Variants in CCDC127 observed in about 807,000 individuals in gnomAD.
CCDC127 encodes the protein coiled-coil domain-containing protein 127.
Under a neutral mutation model 4.1 loss-of-function variants are expected in CCDC127, and 2 were observed. The ratio of observed to expected loss-of-function variants is 0.49; its 90% CI spans 0.20 to 1.53. The LOEUF (loss-of-function observed/expected upper bound fraction) is 1.53. Among genes scored for constraint, CCDC127 ranks in the 40% most tolerant of loss-of-function variants. The probability of loss-of-function intolerance (pLI) is 0.23; values close to 1 mark genes in which losing one functional copy is unlikely to be tolerated. For missense variants in CCDC127, 271 were observed against 322.9 expected (o/e 0.84, Z 1.23); for synonymous variants, 98 against 120.4 (o/e 0.81, Z 1.22).
chr5:208,942 A>G (rs1276163373), intron 2 of CCDC127, among the ~76,000 whole-genome samples: 1 of 152,186 alleles, frequency 6.6e-6, no homozygotes, highest in Non-Finnish European at 1.5e-5. Flanking sequence ...GAGAGATGGC[A>G]GTATCATCTG....
intron 2 of CCDC127, chr5:213,980 C>A (rs1171562595): frequency 1.3e-5 from 2 of 152,236 alleles, no homozygotes; most frequent in Non-Finnish European, 2.9e-5. Flanking sequence ...TGTGGTACGT[C>A]CATGTCATAA....
chr5:197,317 C>T lies in CCDC127; in HGVS notation c.*7980G>A, dbSNP rs1032105923. ...CTCTCTCTCAACTGCAAGAGGCTTT[C>T]GTCTTTTACTAACCCATGTCAGCAC... On this transcript the variant is annotated 3_prime_UTR_variant, in exon 3 of 3. Coordinates refer to ENST00000296824, the MANE Select transcript of CCDC127 (RefSeq NM_145265.3). 61 of 152,318 alleles carry T rather than the reference C, an allele frequency of 4.0e-4. No homozygotes were observed. The highest frequency in any genetic ancestry group is 1.4e-3 in the African/African-American group (58 of 41,562). The allele number at this position is 152,318 out of a possible 1,614,324, so 9.4% of individuals were successfully genotyped here. A position where few individuals can be genotyped will look rare whatever the true frequency, so the allele number is the denominator to read the frequency against.
At chr5:209,918 A>G (rs1734246696) in intron 2 of CCDC127, among the ~76,000 whole-genome samples, 1 of 152,202 alleles carries the variant, frequency 6.6e-6, no homozygotes, top group South Asian at 2.1e-4. Context: ...ACACCTATTC[A>G]TGAAAAACAG....
chr5:205,825 G>C lies in CCDC127; in HGVS notation c.255C>G (p.Val85=), dbSNP rs199989454. Residue 85 remains valine (V), a synonymous_variant, in exon 3 of 3, where the codon GTC becomes GTG. Coordinates refer to ENST00000296824, the MANE Select transcript of CCDC127 (RefSeq NM_145265.3). The stretch of plus-strand genomic sequence containing the variant: ...TTTCGAGTTCCAAGGACAACTGAGC[G>C]ACAGCACGCCGATTTTCTGAGATCA... ...HAMISENRRA[V]AQLSLELEKE... The C allele has an allele frequency of 1.2e-6, 2 of 1,614,150 alleles. No individual in the cohort carries two copies. The highest frequency in any genetic ancestry group is 8.5e-7 in the Non-Finnish European group (1 of 1,180,044).
chr5:213,798 A>C (rs1734324884), intron 2 of CCDC127: 1 of 152,374 alleles, frequency 6.6e-6, no homozygotes, highest in African/African-American at 2.4e-5. Flanking sequence ...CTTCTTAAAA[A>C]ACTAAACGTG....
Position 218,139 on chromosome 5 carries a change from C to A in CCDC127, c.-57G>T. On this transcript the variant is annotated 5_prime_UTR_variant, in exon 1 of 3. Coordinates refer to ENST00000296824, the MANE Select transcript of CCDC127 (RefSeq NM_145265.3). The stretch of plus-strand genomic sequence containing the variant: ...CTCAGCGTTCCCTTAACGCCACCGT[C>A]CGCGGGTCCGCTTTGCGCAGGCGCG... 1 of 1,237,700 alleles carries A rather than the reference C, an allele frequency of 8.1e-7. No individual in the cohort carries two copies. The allele number at this position is 1,237,700 out of a possible 1,614,324, so 76.7% of individuals were successfully genotyped here. A position where few individuals can be genotyped will look rare whatever the true frequency, so the allele number is the denominator to read the frequency against.
chr5:212,274 T>C (rs1164000267), intron 2 of CCDC127, among the ~76,000 whole-genome samples: 1 of 36,802 alleles, frequency 2.7e-5, no homozygotes, highest in East Asian at 6.6e-4. Context: ...AGCACGCTGA[T>C]GCTCGACATC....
At chr5:207,127 C>A (rs1734192108) in intron 2 of CCDC127, among the ~76,000 whole-genome samples, 1 of 152,142 alleles carries the variant, frequency 6.6e-6, no homozygotes, top group East Asian at 1.9e-4. Context: ...TTAATGGTCA[C>A]CTTTGCTTTT....
In CCDC127 at chr5:202,803, G is replaced by A. The variant is rs551921552; in HGVS notation, c.*2494C>T. On this transcript the variant is annotated 3_prime_UTR_variant, in exon 3 of 3. Transcript: ENST00000296824. ...TTCTTCATTTAAAGACAAACGTGGA[G>A]TGGTTCACACAGGGACACCCAGCAG... 2.0e-5 allele frequency: 3 copies of A among 152,370 alleles called. No individual in the cohort carries two copies. Among genetic ancestry groups the A allele is most frequent in the East Asian group, 3.9e-4 (2 of 5,188 alleles). The allele number at this position is 152,370 out of a possible 1,614,324, so 9.4% of individuals were successfully genotyped here. A position where few individuals can be genotyped will look rare whatever the true frequency, so the allele number is the denominator to read the frequency against.
rs1733995375 is a variant in CCDC127, at chr5:197,792, G to GT, written c.*7504dup. ...TCTCTTTTCCCTACACCGCTGCCCC[G>GT]TATCACCCCCTCCCGGAGTGTGTCC... is the stretch of plus-strand genomic sequence containing the variant. On this transcript the variant is annotated 3_prime_UTR_variant, in exon 3 of 3. Transcript: ENST00000296824. 1 of 152,030 alleles carries GT rather than the reference G, an allele frequency of 6.6e-6. No homozygotes were observed. The highest frequency in any genetic ancestry group is 6.6e-5 in the Admixed American group (1 of 15,208). The allele number at this position is 152,030 out of a possible 1,614,324, so 9.4% of individuals were successfully genotyped here.
In CCDC127 at chr5:205,248, T is replaced by C; in HGVS notation, c.*49A>G. On this transcript the variant is annotated 3_prime_UTR_variant, in exon 3 of 3. Transcript: ENST00000296824. Reference sequence around the variant, plus strand: ...AGACGCCGGAGACCCAGAAGGCGCATGACTGCCTGGCCTCGAGTCACTAAA... The same window carrying C: ...AGACGCCGGAGACCCAGAAGGCGCACGACTGCCTGGCCTCGAGTCACTAAA... 3.9e-6 allele frequency: 6 copies of C among 1,538,532 alleles called. No homozygotes were observed. Among genetic ancestry groups the C allele is most frequent in the African/African-American group, 1.4e-5 (1 of 73,136 alleles).
intron 2 of CCDC127, chr5:215,674 T>TG (rs1734367076): frequency 6.6e-6 from 1 of 152,106 alleles, no homozygotes; most frequent in Non-Finnish European, 1.5e-5. Context: ...AAAAACCACC[T>TG]GCTCTTACCA....
At position 198,833 on chromosome 5, in the gene CCDC127, T is replaced by C. The variant is rs945341257; in HGVS notation, c.*6464A>G. 1 of 152,280 alleles carries C rather than the reference T, an allele frequency of 6.6e-6. No individual in the cohort carries two copies. The highest frequency in any genetic ancestry group is 1.5e-5 in the Non-Finnish European group (1 of 68,058). 9.4% of individuals were successfully genotyped at this position (152,280 alleles called of 1,614,324 possible). On this transcript the variant is annotated 3_prime_UTR_variant, in exon 3 of 3. Transcript: ENST00000296824. ...CCCAGGAGCACGCCTGCTGGGTTTT[T>C]ATGGAGAGCACTTCTCTACCGCAGA... is the stretch of plus-strand genomic sequence containing the variant.
Position 197,290 on chromosome 5 carries a change from TTCTC to T in CCDC127, c.*8003_*8006del, listed in dbSNP as rs781296383. The T allele has an allele frequency of 3.3e-5, 5 of 152,302 alleles. No homozygotes were observed. Among genetic ancestry groups the T allele is most frequent in the Admixed American group, 2.6e-4 (4 of 15,306 alleles). 9.4% of individuals were successfully genotyped at this position (152,302 alleles called of 1,614,324 possible). A position where few individuals can be genotyped will look rare whatever the true frequency, so the allele number is the denominator to read the frequency against. ...CAGCGGCGAGCAGGAGACAGTGGAC[TTCTC>T]TCTCTCAACTGCAAGAGGCTTTCGT... On this transcript the variant is annotated 3_prime_UTR_variant, in exon 3 of 3. Coordinates refer to ENST00000296824, the MANE Select transcript of CCDC127 (RefSeq NM_145265.3).
intron 2 of CCDC127, among the ~76,000 whole-genome samples, chr5:213,538 C>G (rs1206321151): frequency 1.5e-5 from 2 of 129,546 alleles, no homozygotes; most frequent in Non-Finnish European, 3.2e-5. Flanking sequence ...TGCTCGACAT[C>G]GCACACTGCA....
intron 2 of CCDC127, among the ~76,000 whole-genome samples, chr5:208,506 C>T (rs1001578397): frequency 7.2e-5 from 11 of 152,258 alleles, no homozygotes; most frequent in Non-Finnish European, 1.6e-4. Context: ...ACGGCCCCAC[C>T]TCCACCCACA....
Position 205,778 on chromosome 5 carries a change from C to G in CCDC127, c.302G>C (p.Ser101Thr), listed in dbSNP as rs760762829. ...CTGAGAGATAAGGGCTTCTCGGTAA[C>G]TAGCAGTTCTGTTTTGTTCCTTTTC... ...ELEKEQNRTASYREALISQGR... is the reference protein window; with the variant it reads ...ELEKEQNRTATYREALISQGR... The change falls in exon 3 of 3, where the codon AGT (serine) becomes ACT (threonine). Residue 101 changes from serine to threonine, a missense_variant. Transcript: ENST00000296824. The G allele has an allele frequency of 6.2e-7, 1 of 1,614,178 alleles. No individual in the cohort carries two copies. Among genetic ancestry groups the G allele is most frequent in the Admixed American group, 1.7e-5 (1 of 60,022 alleles).
intron 2 of CCDC127, among the ~76,000 whole-genome samples, chr5:210,668 C>T (rs1734267516): frequency 7.0e-6 from 1 of 141,884 alleles, no homozygotes. Context: ...CACGCTGATG[C>T]TCGACATCGC....
intron 2 of CCDC127, chr5:215,440 T>A (rs1734362118): frequency 6.6e-6 from 1 of 152,162 alleles, no homozygotes; most frequent in Admixed American, 6.5e-5. Flanking sequence ...TCAGGGCCTC[T>A]CCCAGCCTCA....
Sources: allele counts gnomAD v4.1 joint callset (sites outside exome capture counted in the v4.1 genomes callset), GRCh38; gene constraint gnomAD v4.1.1; transcripts MANE v1.5; gene names NCBI Gene and HGNC (gene_info 2026-07-23, HGNC 2026-07-21).